PRKN: variants seen among roughly 807,000 people sequenced by gnomAD.
The protein encoded by PRKN is parkin RBR E3 ubiquitin protein ligase.
Under a neutral mutation model 59.5 loss-of-function variants are expected in PRKN, and 56 were observed. The observed-to-expected ratio is 0.94, with a 90% CI of 0.76 to 1.18. PRKN has a LOEUF of 1.18. Among genes scored for constraint, PRKN ranks in the 50% most tolerant of loss-of-function variants. PRKN has a pLI of 0.00. For synonymous variants in PRKN, 250 were observed against 222.1 expected (o/e 1.13, Z -1.12); for missense variants, 657 against 596.4 (o/e 1.10, Z -1.06).
rs541249480 is a variant in PRKN, at chr6:162,339,247, G to T, written c.172-76482C>A. 2.0e-5 allele frequency among the ~76,000 whole-genome samples: 3 copies of T among 148,236 alleles called. No individual in the cohort carries two copies. The South Asian group carries it at 6.3e-4, about 31-fold the overall frequency. ...CCCCGTCCGGGAGGGAGGTGGTGGG[G>T]GTCAGCCCCCCGCCCGGCCAGCCGC... On this transcript the variant is annotated intron_variant, in intron 2 of 11. Coordinates refer to ENST00000366898, the MANE Select transcript of PRKN (RefSeq NM_004562.3).
chr6:161,486,069 C>T (rs4142069), intron 9 of PRKN, among the ~76,000 whole-genome samples: 67,974 of 149,560 alleles, frequency 0.45, 16,838 homozygotes, highest in Middle Eastern at 0.6. Context: ...TTTTTAGAAA[C>T]AGATAAACTA....
At chr6:162,461,043 ATAAG>A (rs1791129881) in intron 1 of PRKN, among the ~76,000 whole-genome samples, 1 of 152,136 alleles carries the variant, frequency 6.6e-6, no homozygotes, top group African/African-American at 2.4e-5. Flanking sequence ...TATTTACTGA[ATAAG>A]TAACTATTTG....
chr6:162,558,053 T>G (rs1469782432), intron 1 of PRKN, among the ~76,000 whole-genome samples: 1 of 151,660 alleles, frequency 6.6e-6, no homozygotes, highest in African/African-American at 2.4e-5. Flanking sequence ...TATATATTAA[T>G]ATCTACACAC....
chr6:162,401,929 A>G (rs1387064775), intron 2 of PRKN, among the ~76,000 whole-genome samples: 2 of 152,152 alleles, frequency 1.3e-5, no homozygotes, highest in African/African-American at 4.8e-5. Context: ...GCTTTAAGCA[A>G]CTTCTAGAGA....
intron 9 of PRKN, among the ~76,000 whole-genome samples, chr6:161,439,736 T>C (rs1789107818): frequency 6.6e-6 from 1 of 152,178 alleles, no homozygotes; most frequent in African/African-American, 2.4e-5. Context: ...CATCTGAACG[T>C]AATTCTTGCC....
rs1294284457 is a variant in PRKN, at chr6:161,825,676, T to C, written c.735-39768A>G. ...CATGGGGTTTTGCTTCCTGGGCAAG[T>C]GCAAGGAAATGTGATGTGAACTGGA... On this transcript the variant is annotated intron_variant, in intron 6 of 11. Coordinates refer to ENST00000366898, the MANE Select transcript of PRKN (RefSeq NM_004562.3). Among the ~76,000 whole-genome samples, 3 of 152,290 alleles carry C rather than the reference T, an allele frequency of 2.0e-5. No homozygotes were observed. In the East Asian group the frequency reaches 5.8e-4, roughly 29 times the overall value.
Position 161,466,646 on chromosome 6 carries a change from G to A in PRKN, c.1084-79769C>T, listed in dbSNP as rs1790492431. On this transcript the variant is annotated intron_variant, in intron 9 of 11. Transcript: ENST00000366898. This position sits in a 1 kb window ranked among gnomAD's most constrained non-coding sequence, Gnocchi z 5.0. ...CTCTCTGGTAAGGACTGCACTCAAA[G>A]TAACAGGAGGGCCTAACCTTAAATA... Among the ~76,000 whole-genome samples the A allele has an allele frequency of 6.6e-6, 1 of 152,158 alleles. No individual in the cohort carries two copies. The highest frequency in any genetic ancestry group is 6.5e-5 in the Admixed American group (1 of 15,290).
intron 7 of PRKN, among the ~76,000 whole-genome samples, chr6:161,627,498 A>G (rs13217560): frequency 6.6e-6 from 1 of 152,250 alleles, no homozygotes; most frequent in South Asian, 2.1e-4. Flanking sequence ...AGCAAGTGTC[A>G]TCAAATGCTT....
At chr6:161,642,878 A>G (rs569139225) in intron 7 of PRKN, among the ~76,000 whole-genome samples, 1 of 152,324 alleles carries the variant, frequency 6.6e-6, no homozygotes, top group Admixed American at 6.5e-5. Flanking sequence ...CTTATATAGC[A>G]ATCTTTTAAT....
intron 5 of PRKN, among the ~76,000 whole-genome samples, chr6:162,042,664 A>G (rs988511461): frequency 2.0e-5 from 3 of 152,186 alleles, no homozygotes; most frequent in Admixed American, 6.5e-5. Context: ...CCACATTTAA[A>G]TGCAGGCCTT....
intron 9 of PRKN, among the ~76,000 whole-genome samples, chr6:161,517,577 A>G (rs1461570032): frequency 6.6e-6 from 1 of 151,896 alleles, no homozygotes; most frequent in Non-Finnish European, 1.5e-5. Flanking sequence ...TGTCTCTACT[A>G]AAAATACAAA....
At chr6:161,583,112 C>T (rs1304699945) in intron 7 of PRKN, among the ~76,000 whole-genome samples, 2 of 151,680 alleles carry the variant, frequency 1.3e-5, no homozygotes, top group Admixed American at 1.3e-4. Context: ...TAGAGCATTA[C>T]CAAAAAGCCT....
Position 162,592,156 on chromosome 6 carries a change from C to T in PRKN, c.7+135506G>A, listed in dbSNP as rs531978357. On this transcript the variant is annotated intron_variant, in intron 1 of 11. Coordinates refer to ENST00000366898, the MANE Select transcript of PRKN (RefSeq NM_004562.3). ...CTGGGATTACAGACACTCATCACCA[C>T]GCCCGGGTAATTTTGTATTTGCAGT... Among the ~76,000 whole-genome samples, 93 of 152,214 alleles carry T rather than the reference C, an allele frequency of 6.1e-4. 2 individuals are homozygous for T. In the South Asian group the frequency reaches 0.019, roughly 31 times the overall value.
chr6:161,975,838 G>A (rs1430070303), intron 5 of PRKN, among the ~76,000 whole-genome samples: 5 of 152,168 alleles, frequency 3.3e-5, no homozygotes, highest in South Asian at 2.1e-4. Context: ...GTGGCAGGTC[G>A]CTTACCGTGT....
At chr6:162,472,967 G>T (rs1390822953) in intron 1 of PRKN, among the ~76,000 whole-genome samples, 1 of 151,640 alleles carries the variant, frequency 6.6e-6, no homozygotes, top group Non-Finnish European at 1.5e-5. Flanking sequence ...CTTGGCCATG[G>T]TTATTCAATT....
intron 4 of PRKN, among the ~76,000 whole-genome samples, chr6:162,192,266 TTTTAATATC>T (rs1393457452): frequency 6.6e-6 from 1 of 152,120 alleles, no homozygotes; most frequent in Non-Finnish European, 1.5e-5. Flanking sequence ...TTTGTAAAAC[TTTTAATATC>T]TTTTACATAA....
chr6:162,186,800 T>G (rs1163182010), intron 4 of PRKN, among the ~76,000 whole-genome samples: 2 of 152,214 alleles, frequency 1.3e-5, no homozygotes, highest in Non-Finnish European at 2.9e-5. Flanking sequence ...ATCTCACATC[T>G]CCTTTGCCTT....
intron 1 of PRKN, among the ~76,000 whole-genome samples, chr6:162,641,549 T>C (rs1029866352): frequency 3.3e-5 from 5 of 152,100 alleles, no homozygotes; most frequent in African/African-American, 1.2e-4. Flanking sequence ...TGAGGAACTT[T>C]GGCTCACTGA....
At chr6:162,493,735 C>T (rs1792925934) in intron 1 of PRKN, among the ~76,000 whole-genome samples, 1 of 152,154 alleles carries the variant, frequency 6.6e-6, no homozygotes, top group African/African-American at 2.4e-5. Flanking sequence ...ATGACCACTC[C>T]TTCCATAAGG....
Sources: allele counts gnomAD v4.1 joint callset (sites outside exome capture counted in the v4.1 genomes callset), GRCh38; gene constraint gnomAD v4.1.1; non-coding constraint Gnocchi (gnomAD v3.1); transcripts MANE v1.5; gene names NCBI Gene and HGNC (gene_info 2026-07-23, HGNC 2026-07-21).